The following ANKMY2 variants were observed in gnomAD, a reference collection of about 807,000 sequenced individuals.
ANKMY2 encodes ankyrin repeat and MYND domain containing 2, also known as ankyrin repeat and MYND domain-containing protein 2.
A neutral mutation model predicts 50.4 loss-of-function variants in ANKMY2; 36 were observed. The observed-to-expected ratio is 0.71, with a 90% CI of 0.55 to 0.94. ANKMY2 has a LOEUF of 0.94. ANKMY2 is among the 40% of genes least tolerant of loss of function. ANKMY2 has a pLI of 0.00. For missense variants in ANKMY2, 565 were observed against 524.0 expected (o/e 1.08, Z -0.76); for synonymous variants, 187 against 178.8 (o/e 1.05, Z -0.36).
intron 1 of ANKMY2, among the ~76,000 whole-genome samples, chr7:16,637,439 T>C (rs1781678866): frequency 6.6e-6 from 1 of 152,108 alleles, no homozygotes; most frequent in Non-Finnish European, 1.5e-5. Flanking sequence ...TGAGTTCCCC[T>C]CACCAACAGA....
intron 5 of ANKMY2, 68 bp from the exon 6 acceptor site, chr7:16,610,831 A>G (rs1415635985): frequency 2.2e-6 from 3 of 1,338,722 alleles, no homozygotes; most frequent in Non-Finnish European, 3.1e-6. Context: ...TAGGTAGTCC[A>G]TTTAGTTGAT....
chr7:16,613,056 T>C (rs530219198), intron 5 of ANKMY2, among the ~76,000 whole-genome samples: 1 of 152,194 alleles, frequency 6.6e-6, no homozygotes, highest in Non-Finnish European at 1.5e-5. Context: ...AAAGACATGA[T>C]TGTTCTGTGC....
intron 1 of ANKMY2, among the ~76,000 whole-genome samples, chr7:16,645,018 T>C (rs1329297393): frequency 6.6e-6 from 1 of 152,110 alleles, no homozygotes; most frequent in African/African-American, 2.4e-5. Context: ...TGTACCCTTA[T>C]GAAGAACCCC....
chr7:16,639,936 G>A (rs1781722977), intron 1 of ANKMY2, among the ~76,000 whole-genome samples: 1 of 152,018 alleles, frequency 6.6e-6, no homozygotes, highest in Non-Finnish European at 1.5e-5. Flanking sequence ...AAGGCGGATG[G>A]ATCACCTGAG....
At chr7:16,610,496 A>T (rs546770284) in intron 6 of ANKMY2, 53 bp downstream of exon 6, 13 of 1,370,144 alleles carry the variant, frequency 9.5e-6, no homozygotes, top group Non-Finnish European at 1.3e-5. Context: ...GCTTCATATT[A>T]AAAAAAATAT....
At chr7:16,616,124 A>T (rs1291313756) in intron 4 of ANKMY2, among the ~76,000 whole-genome samples, 4 of 152,166 alleles carry the variant, frequency 2.6e-5, no homozygotes, top group Non-Finnish European at 5.9e-5. Context: ...AAAGACACAG[A>T]ATCCAAAATA....
At chr7:16,614,753 A>C (rs1781313905) in intron 5 of ANKMY2, among the ~76,000 whole-genome samples, 1 of 152,226 alleles carries the variant, frequency 6.6e-6, no homozygotes, top group Non-Finnish European at 1.5e-5. Flanking sequence ...ACATGATAGT[A>C]ACGCCTTATG....
chr7:16,643,888 A>G (rs1781778531), intron 1 of ANKMY2, among the ~76,000 whole-genome samples: 2 of 149,334 alleles, frequency 1.3e-5, no homozygotes, highest in Admixed American at 6.6e-5. Context: ...AAATCTTTCT[A>G]AAGTAGCCGG....
At chr7:16,628,388 G>C (rs1442271648) in intron 2 of ANKMY2, among the ~76,000 whole-genome samples, 1 of 152,140 alleles carries the variant, frequency 6.6e-6, no homozygotes, top group African/African-American at 2.4e-5. Flanking sequence ...AGTTGCACAA[G>C]AGGCAACTCC....
At chr7:16,602,333 T>C in intron 9 of ANKMY2, 47 bp downstream of exon 9, 1 of 1,594,250 alleles carries the variant, frequency 6.3e-7, no homozygotes, top group Non-Finnish European at 8.5e-7. Flanking sequence ...ACCTATCATC[T>C]CTCTCTCCAC....
At chr7:16,641,327 C>G (rs915582413) in intron 1 of ANKMY2, among the ~76,000 whole-genome samples, 7 of 152,092 alleles carry the variant, frequency 4.6e-5, no homozygotes, top group African/African-American at 1.7e-4. Context: ...TCTAAAAGGT[C>G]TCCTACTCAT....
At chr7:16,621,704 T>C (rs973551118) in intron 4 of ANKMY2, among the ~76,000 whole-genome samples, 3 of 152,046 alleles carry the variant, frequency 2.0e-5, no homozygotes, top group African/African-American at 7.3e-5. Flanking sequence ...CCGGGCACAG[T>C]GGTTCATGCC....
At chr7:16,614,522 T>C (rs1015282882) in intron 5 of ANKMY2, among the ~76,000 whole-genome samples, 2 of 152,156 alleles carry the variant, frequency 1.3e-5, no homozygotes, top group Non-Finnish European at 2.9e-5. Flanking sequence ...ACACAATGAG[T>C]AAATTTGGTT....
chr7:16,601,637 G>A (rs514114), intron 9 of ANKMY2, among the ~76,000 whole-genome samples: 20,646 of 152,234 alleles, frequency 0.14, 1,731 homozygotes, highest in Admixed American at 0.29. Flanking sequence ...GTAGTAAAGC[G>A]GATATGGTTC....
At chr7:16,623,363 T>C (rs1214942418) in intron 4 of ANKMY2, among the ~76,000 whole-genome samples, 1 of 152,198 alleles carries the variant, frequency 6.6e-6, no homozygotes, top group Non-Finnish European at 1.5e-5. Flanking sequence ...TTTACTGTAG[T>C]AAAAATTTTG....
intron 2 of ANKMY2, 89 bp downstream of exon 2, chr7:16,636,302 C>CAAAAAAA (rs376207917): frequency 6.1e-5 from 13 of 214,438 alleles, no homozygotes; most frequent in South Asian, 2.2e-4. Context: ...CACTCCATCT[C>CAAAAAAA]AAAAAAAAAA....
chr7:16,619,790 C>T (rs1162186900), intron 4 of ANKMY2, among the ~76,000 whole-genome samples: 1 of 152,108 alleles, frequency 6.6e-6, no homozygotes, highest in Non-Finnish European at 1.5e-5. Flanking sequence ...GATTTGAGTC[C>T]TCTAGACTTA....
At chr7:16,615,681 A>T (rs946414891) in intron 5 of ANKMY2, 63 bp downstream of exon 5, 44 of 1,599,670 alleles carry the variant, frequency 2.8e-5, no homozygotes, top group Middle Eastern at 1.7e-4. Context: ...CTGTATAATA[A>T]AAGCAGTTTA....
At chr7:16,630,146 C>T (rs2128345362) in intron 2 of ANKMY2, among the ~76,000 whole-genome samples, 1 of 152,180 alleles carries the variant, frequency 6.6e-6, no homozygotes, top group African/African-American at 2.4e-5. Flanking sequence ...TACTAAATGT[C>T]CATCTCTACT....
Sources: gnomAD v4.1 joint callset for allele counts (sites outside exome capture counted in the v4.1 genomes callset) on GRCh38, gnomAD v4.1.1 for gene constraint, MANE v1.5 for transcripts, NCBI Gene and HGNC (gene_info 2026-07-23, HGNC 2026-07-21) for gene names.